The following WWC2 variants were observed in gnomAD, a reference collection of about 807,000 sequenced individuals.
WWC2 encodes the protein WW and C2 domain containing 2, also known as protein WWC2.
In WWC2, 101 loss-of-function variants were observed where a neutral mutation model predicts 138.5. The observed-to-expected ratio is 0.73, with a 90% CI of 0.62 to 0.86. WWC2 has a LOEUF of 0.86. Ranked by LOEUF, WWC2 falls within the 40% of genes least tolerant of loss-of-function variation. The probability of loss-of-function intolerance (pLI) is 0.00; values close to 1 mark genes in which losing one functional copy is unlikely to be tolerated. For synonymous variants in WWC2, 558 were observed against 538.4 expected, an observed-to-expected ratio of 1.04 and a Z score of -0.50; for missense variants, 1,420 against 1,419.4, an observed-to-expected ratio of 1.00 and a Z score of -0.01.
intron 14 of WWC2, among the ~76,000 whole-genome samples, chr4:183,266,901 T>C (rs1737521099): frequency 6.6e-6 from 1 of 152,224 alleles, no homozygotes; most frequent in Admixed American, 6.5e-5. Context: ...TGCATGTTTT[T>C]CCTACAGAGT....
intron 1 of WWC2, among the ~76,000 whole-genome samples, chr4:183,189,982 G>C (rs1734946789): frequency 6.6e-6 from 1 of 152,114 alleles, no homozygotes; most frequent in Non-Finnish European, 1.5e-5. Context: ...ATGCCAGCAA[G>C]GAGAAGAAAT....
chr4:183,209,169 T>C (rs1178524041), intron 4 of WWC2, 144 bp downstream of exon 4: 1 of 595,756 alleles, frequency 1.7e-6, no homozygotes, highest in African/African-American at 1.9e-5. Context: ...CCTTCTACCT[T>C]GATGTGAACA....
intron 16 of WWC2, among the ~76,000 whole-genome samples, chr4:183,275,289 T>G (rs889496465): frequency 2.0e-5 from 3 of 152,050 alleles, no homozygotes; most frequent in African/African-American, 7.3e-5. Context: ...TCCAGTCATA[T>G]GCCTTTTATT....
intron 1 of WWC2, among the ~76,000 whole-genome samples, chr4:183,169,390 G>A (rs1734214544): frequency 6.6e-6 from 1 of 152,170 alleles, no homozygotes; most frequent in Admixed American, 6.5e-5. Context: ...AAACCTGCTA[G>A]ATGAATTCTA....
chr4:183,276,990 A>G (rs997649762), intron 16 of WWC2, among the ~76,000 whole-genome samples: 13 of 151,262 alleles, frequency 8.6e-5, no homozygotes, highest in African/African-American at 2.9e-4. Flanking sequence ...TATTATTATT[A>G]TTATTATACT....
chr4:183,250,423 TTAC>T (rs1300574585), intron 8 of WWC2, among the ~76,000 whole-genome samples: 1 of 152,162 alleles, frequency 6.6e-6, no homozygotes, highest in Non-Finnish European at 1.5e-5. Context: ...AAGGGAAGTC[TTAC>T]TGCTAATGTC....
intron 4 of WWC2, 55 bp downstream of exon 4, chr4:183,209,080 G>A (rs1735524807): frequency 2.4e-6 from 3 of 1,271,214 alleles, no homozygotes; most frequent in Admixed American, 4.1e-5. Context: ...GAGTCTGAAG[G>A]CTGTGGAAGG....
intron 21 of WWC2, among the ~76,000 whole-genome samples, chr4:183,311,852 C>T (rs899422991): frequency 2.6e-5 from 4 of 152,020 alleles, no homozygotes; most frequent in Admixed American, 6.5e-5. Context: ...GCTGGGATTA[C>T]AGGAGTGAGC....
intron 1 of WWC2, among the ~76,000 whole-genome samples, chr4:183,179,619 T>C (rs763786050): frequency 3.9e-5 from 6 of 152,080 alleles, no homozygotes; most frequent in Non-Finnish European, 5.9e-5. Flanking sequence ...GGTGAGCATC[T>C]GGGTTGATGA....
intron 9 of WWC2, among the ~76,000 whole-genome samples, chr4:183,258,673 C>G (rs780760592): frequency 3.3e-5 from 5 of 152,158 alleles, no homozygotes; most frequent in African/African-American, 1.2e-4. Context: ...CAGGGAGACA[C>G]AGGGGAATTA....
chr4:183,145,276 G>T (rs1467153614), intron 1 of WWC2, among the ~76,000 whole-genome samples: 1 of 152,010 alleles, frequency 6.6e-6, no homozygotes, highest in African/African-American at 2.4e-5. Flanking sequence ...AATATAAATG[G>T]CATTTAAAAA....
chr4:183,248,739 T>G lies in WWC2; in HGVS notation c.758T>G (p.Phe253Cys), dbSNP rs750398316. 30 of 1,602,242 alleles carry G rather than the reference T, an allele frequency of 1.9e-5. No individual in the cohort carries two copies. Among genetic ancestry groups the G allele is most frequent in the Non-Finnish European group, 2.6e-5 (30 of 1,173,798 alleles). ...MQSLAKLQER[F>C]HLDQNIGRSE... The stretch of plus-strand genomic sequence containing the variant: ...AGTCTTGCTAAGCTGCAGGAGCGGT[T>G]TCATTTGGATCAGAACATTGGCAGA... Residue 253 changes from phenylalanine to cysteine, a missense_variant, in exon 7 of 23, where the codon TTT becomes TGT. Coordinates refer to ENST00000403733, the MANE Select transcript of WWC2 (RefSeq NM_024949.6).
chr4:183,153,064 T>TA (rs955507300), intron 1 of WWC2, among the ~76,000 whole-genome samples: 2 of 151,882 alleles, frequency 1.3e-5, no homozygotes, highest in African/African-American at 4.8e-5. Context: ...CCCAGCTAAT[T>TA]AAAAAAATAT....
chr4:183,190,374 T>C (rs753212452), intron 1 of WWC2, among the ~76,000 whole-genome samples: 1 of 152,218 alleles, frequency 6.6e-6, no homozygotes, highest in Non-Finnish European at 1.5e-5. Flanking sequence ...ATACATCTGT[T>C]AGTTCTTTTT....
At position 183,226,930 on chromosome 4, in the gene WWC2, A is replaced by G. The variant is rs183959769; in HGVS notation, c.523-13253A>G. ...AACTCAGAATAGTAAGCAGAACACT[A>G]AAGCTGGCTTTGCCCTGAGGAAATT... is the stretch of plus-strand genomic sequence containing the variant. On this transcript the variant is annotated intron_variant, in intron 4 of 22. Transcript: ENST00000403733. Among the ~76,000 whole-genome samples, 432 of 152,206 alleles carry G rather than the reference A, an allele frequency of 2.8e-3. 11 individuals are homozygous for G. The highest frequency in any genetic ancestry group is 9.7e-3 in the African/African-American group (404 of 41,450).
chr4:183,308,343 C>G (rs1739088900), intron 21 of WWC2, among the ~76,000 whole-genome samples: 1 of 152,132 alleles, frequency 6.6e-6, no homozygotes, highest in Admixed American at 6.5e-5. Context: ...AAAATCCCAT[C>G]AAGTTATTAT....
At chr4:183,119,130 T>C (rs1417497004) in intron 1 of WWC2, among the ~76,000 whole-genome samples, 1 of 152,152 alleles carries the variant, frequency 6.6e-6, no homozygotes, top group South Asian at 2.1e-4. Context: ...AAACTAGCAG[T>C]GTTTACCTAA....
At chr4:183,109,912 C>T (rs898564770) in intron 1 of WWC2, among the ~76,000 whole-genome samples, 1 of 152,026 alleles carries the variant, frequency 6.6e-6, no homozygotes, top group African/African-American at 2.4e-5. Context: ...CAAACTGGTT[C>T]TTTGAATTAG....
chr4:183,196,225 C>T (rs1735137553), intron 2 of WWC2, among the ~76,000 whole-genome samples: 1 of 152,172 alleles, frequency 6.6e-6, no homozygotes, highest in Non-Finnish European at 1.5e-5. Context: ...TCATAAATTA[C>T]TCAGTCTCAG....
Sources: allele counts gnomAD v4.1 joint callset (sites outside exome capture counted in the v4.1 genomes callset), GRCh38; gene constraint gnomAD v4.1.1; transcripts MANE v1.5; gene names NCBI Gene and HGNC (gene_info 2026-07-23, HGNC 2026-07-21).